The following GPC5 variants were observed in gnomAD, a reference collection of about 807,000 sequenced individuals.
GPC5 encodes the protein glypican 5, also known as glypican-5.
In GPC5, 47 loss-of-function variants were observed where a neutral mutation model predicts 53.9. The observed-to-expected ratio is 0.87, with a 90% CI of 0.69 to 1.11. GPC5 has a LOEUF of 1.11. Ranked by LOEUF, GPC5 falls within the 50% of genes most tolerant of loss-of-function variation. GPC5 has a pLI of 0.00. For missense variants in GPC5, 748 were observed against 713.1 expected (o/e 1.05, Z -0.56); for synonymous variants, 286 against 263.3 (o/e 1.09, Z -0.84).
intron 1 of GPC5, among the ~76,000 whole-genome samples, chr13:91,424,243 TGG>T (rs2138996272): frequency 6.7e-6 from 1 of 149,438 alleles, no homozygotes; most frequent in East Asian, 2.0e-4. Context: ...GGACACATGG[TGG>T]CAAGTACATC....
At chr13:92,310,635 C>T (rs1393409073) in intron 7 of GPC5, among the ~76,000 whole-genome samples, 1 of 152,138 alleles carries the variant, frequency 6.6e-6, no homozygotes, top group Non-Finnish European at 1.5e-5. Context: ...GCAGACTAGC[C>T]ATATCATAGA....
At chr13:92,542,792 C>T in intron 7 of GPC5, among the ~76,000 whole-genome samples, 2 of 152,072 alleles carry the variant, frequency 1.3e-5, no homozygotes. Flanking sequence ...GCTTTCAGTA[C>T]TTTAAATATA....
chr13:92,492,146 G>A (rs181652949), intron 7 of GPC5, among the ~76,000 whole-genome samples: 135 of 152,154 alleles, frequency 8.9e-4, no homozygotes, highest in Non-Finnish European at 1.4e-3. Context: ...TCAGTATTTT[G>A]CAGAAGAAAA....
intron 6 of GPC5, among the ~76,000 whole-genome samples, chr13:91,919,059 C>T (rs2039685957): frequency 6.6e-6 from 1 of 152,168 alleles, no homozygotes. Context: ...CTTCTCCCTT[C>T]CCCTAATTTG....
intron 7 of GPC5, among the ~76,000 whole-genome samples, chr13:92,146,698 T>C (rs912049955): frequency 1.3e-5 from 2 of 152,120 alleles, no homozygotes; most frequent in Non-Finnish European, 2.9e-5. Flanking sequence ...AAGTCCATTG[T>C]ATCATTCTTA....
At chr13:91,712,877 T>C (rs2036257275) in intron 3 of GPC5, among the ~76,000 whole-genome samples, 2 of 150,292 alleles carry the variant, frequency 1.3e-5, no homozygotes, top group South Asian at 4.2e-4. Flanking sequence ...ATGTAAGAGA[T>C]GGATGAATAC....
intron 7 of GPC5, among the ~76,000 whole-genome samples, chr13:92,416,557 A>G (rs1371720762): frequency 6.6e-6 from 1 of 152,242 alleles, no homozygotes; most frequent in Non-Finnish European, 1.5e-5. Flanking sequence ...ATCACACCAT[A>G]TACGAAAAAT....
In GPC5 at chr13:92,041,350, G is replaced by A. The variant is rs188497529; in HGVS notation, c.1402-103480G>A. On this transcript the variant is annotated intron_variant, in intron 6 of 7. Transcript: ENST00000377067. ...TGAAGGTTGGGAAGGATGTGATCACGTACTAGTCTAAACCACATCAGGAGT... is the reference window on the plus strand; with the variant it reads ...TGAAGGTTGGGAAGGATGTGATCACATACTAGTCTAAACCACATCAGGAGT... Among the ~76,000 whole-genome samples, 394 of 152,268 alleles carry A rather than the reference G, an allele frequency of 2.6e-3. 1 individual carries two copies. Among genetic ancestry groups the A allele is most frequent in the Non-Finnish European group, 2.6e-3 (180 of 68,016 alleles).
chr13:92,172,036 A>C (rs2042074096), intron 7 of GPC5, among the ~76,000 whole-genome samples: 1 of 152,228 alleles, frequency 6.6e-6, no homozygotes, highest in Non-Finnish European at 1.5e-5. Context: ...TTGTACCTAC[A>C]ATAGATTGTT....
chr13:92,546,836 C>G (rs1022577922), intron 7 of GPC5, among the ~76,000 whole-genome samples: 4 of 152,118 alleles, frequency 2.6e-5, no homozygotes, highest in African/African-American at 9.7e-5. Flanking sequence ...ACCAATGGAA[C>G]AGAACAGAGC....
intron 5 of GPC5, among the ~76,000 whole-genome samples, chr13:91,902,061 C>G (rs1283297838): frequency 6.6e-6 from 1 of 151,940 alleles, no homozygotes; most frequent in African/African-American, 2.4e-5. Flanking sequence ...TCAAAAAATT[C>G]CAAGACAGAC....
intron 2 of GPC5, among the ~76,000 whole-genome samples, chr13:91,664,561 A>G (rs1469466394): frequency 6.6e-6 from 1 of 152,228 alleles, no homozygotes; most frequent in Non-Finnish European, 1.5e-5. Context: ...ATACTAAATG[A>G]TGGCGTTTTT....
Position 92,527,257 on chromosome 13 carries a change from AAGAAAG to A in GPC5, c.1562-339023_1562-339018del, listed in dbSNP as rs1566277302. Among the ~76,000 whole-genome samples, 480 of 91,012 alleles carry A rather than the reference AAGAAAG, an allele frequency of 5.3e-3. 25 individuals carry two copies. The highest frequency in any genetic ancestry group is 0.023 in the African/African-American group (378 of 16,474). 59.7% of individuals were successfully genotyped at this position (91,012 alleles called of 152,430 possible). ...AGAAAGAAAGAAAGAAAGAGAAAGAAAGAAAGAAAGAAAGAAAGAAAGAAAAAGATC... is the reference window on the plus strand; with the variant it reads ...AGAAAGAAAGAAAGAAAGAGAAAGAAAAAGAAAGAAAGAAAGAAAAAGATC... On this transcript the variant is annotated intron_variant, in intron 7 of 7. Coordinates refer to ENST00000377067, the MANE Select transcript of GPC5 (RefSeq NM_004466.6).
chr13:91,738,172 G>C (rs1049433388), intron 4 of GPC5, among the ~76,000 whole-genome samples: 5 of 151,356 alleles, frequency 3.3e-5, no homozygotes, highest in Admixed American at 2.0e-4. Flanking sequence ...TCCTGATTCA[G>C]ATACCTTTAC....
chr13:91,712,354 TTATATATGTGTGTA>T lies in GPC5; in HGVS notation c.1021-16150_1021-16137del, dbSNP rs568904739. 1.5e-3 allele frequency among the ~76,000 whole-genome samples: 231 copies of T among 151,676 alleles called. 2 individuals carry two copies. The highest frequency in any genetic ancestry group is 2.0e-3 in the Non-Finnish European group (137 of 67,884). On this transcript the variant is annotated intron_variant, in intron 3 of 7. Transcript: ENST00000377067. ...TATATATATATGTGTGTGTGTGTATTTATATATGTGTGTATATATATGTGTGTATATATATGTGT... is the reference window on the plus strand; with the variant it reads ...TATATATATATGTGTGTGTGTGTATTTATATATGTGTGTATATATATGTGT...
intron 7 of GPC5, among the ~76,000 whole-genome samples, chr13:92,675,307 A>G (rs1886901381): frequency 6.6e-6 from 1 of 152,154 alleles, no homozygotes; most frequent in South Asian, 2.1e-4. Flanking sequence ...ATTCATTAGA[A>G]AGCAATTTTC....
chr13:92,385,479 CATAT>C (rs1432295842), intron 7 of GPC5, among the ~76,000 whole-genome samples: 11 of 135,762 alleles, frequency 8.1e-5, no homozygotes, highest in African/African-American at 3.0e-4. Context: ...TACATATATA[CATAT>C]ATACACATAT....
chr13:92,598,771 C>T (rs1330969331), intron 7 of GPC5, among the ~76,000 whole-genome samples: 1 of 152,098 alleles, frequency 6.6e-6, no homozygotes, highest in Non-Finnish European at 1.5e-5. Context: ...AATCTCAGCA[C>T]TTTGGGAGGC....
In GPC5 at chr13:92,159,593, CTTTTTTT is replaced by C. The variant is rs71120074; in HGVS notation, c.1561+14625_1561+14631del. On this transcript the variant is annotated intron_variant, in intron 7 of 7. Transcript: ENST00000377067. ...CTATGTAATCACTAATACCAATGTT[CTTTTTTT>C]TTTTTTTTTTTTTTTTTTTTGAGAC... Among the ~76,000 whole-genome samples, 214 of 57,206 alleles carry C rather than the reference CTTTTTTT, an allele frequency of 3.7e-3. 1 individual carries two copies. Among genetic ancestry groups the C allele is most frequent in the African/African-American group, 0.013 (204 of 15,504 alleles). 37.5% of individuals were successfully genotyped at this position (57,206 alleles called of 152,430 possible). A position where few individuals can be genotyped will look rare whatever the true frequency, so the allele number is the denominator to read the frequency against.
Sources: allele counts gnomAD v4.1 joint callset (sites outside exome capture counted in the v4.1 genomes callset), GRCh38; gene constraint gnomAD v4.1.1; transcripts MANE v1.5; gene names NCBI Gene and HGNC (gene_info 2026-07-23, HGNC 2026-07-21).